Variants in MAGI2 observed in about 807,000 individuals in gnomAD.
MAGI2 encodes the protein membrane-associated guanylate kinase, WW and PDZ domain-containing protein 2.
A neutral mutation model predicts 133.3 loss-of-function variants in MAGI2; 35 were observed. The observed-to-expected ratio is 0.26, with a 90% confidence interval of 0.20 to 0.35. MAGI2 has a LOEUF of 0.35. Ranked by LOEUF, MAGI2 falls within the 10% of genes least tolerant of loss-of-function variation. MAGI2 has a pLI of 1.00. For synonymous variants in MAGI2, 729 were observed against 710.6 expected (o/e 1.03, Z -0.41); for missense variants, 1,636 against 1,863.4 (o/e 0.88, Z 2.25).
At chr7:78,705,805 G>A (rs2151162689) in intron 2 of MAGI2, among the ~76,000 whole-genome samples, 1 of 152,210 alleles carries the variant, frequency 6.6e-6, no homozygotes. Flanking sequence ...AGGCAACAAA[G>A]AGTGACTGGA....
intron 1 of MAGI2, among the ~76,000 whole-genome samples, chr7:79,100,829 T>C (rs1038010239): frequency 1.3e-5 from 2 of 151,950 alleles, no homozygotes; most frequent in Non-Finnish European, 2.9e-5. Flanking sequence ...TTTTAATCCA[T>C]TAAATTTTAT....
At chr7:78,458,779 C>T (rs1032100566) in intron 6 of MAGI2, among the ~76,000 whole-genome samples, 6 of 152,062 alleles carry the variant, frequency 3.9e-5, no homozygotes, top group South Asian at 2.1e-4. Context: ...GGACTACAGG[C>T]GCCCACCACC....
chr7:78,941,631 C>G (rs180895355), intron 2 of MAGI2, among the ~76,000 whole-genome samples: 1 of 152,024 alleles, frequency 6.6e-6, no homozygotes, highest in African/African-American at 2.4e-5. Flanking sequence ...CCACTCTGCC[C>G]GGCTGATAAT....
intron 1 of MAGI2, among the ~76,000 whole-genome samples, chr7:79,303,598 A>C (rs1213418983): frequency 6.6e-6 from 1 of 152,188 alleles, no homozygotes. Context: ...TGATGCTCAG[A>C]ATTTAAGGTT....
At chr7:78,211,022 G>A (rs1035455006) in intron 10 of MAGI2, among the ~76,000 whole-genome samples, 1 of 152,184 alleles carries the variant, frequency 6.6e-6, no homozygotes, top group African/African-American at 2.4e-5. Context: ...TTTCTTTTTG[G>A]TGGGATAAGC....
At chr7:79,151,617 A>G (rs1336168107) in intron 1 of MAGI2, among the ~76,000 whole-genome samples, 1 of 152,180 alleles carries the variant, frequency 6.6e-6, no homozygotes, top group Non-Finnish European at 1.5e-5. Context: ...ACAATTTTTA[A>G]CCACTAATTT....
At chr7:79,028,199 A>G (rs1360521552) in intron 1 of MAGI2, among the ~76,000 whole-genome samples, 1 of 102,662 alleles carries the variant, frequency 9.7e-6, no homozygotes, top group Admixed American at 9.9e-5. Flanking sequence ...TGACAAAGCG[A>G]GACTCCATCT....
chr7:79,394,315 T>C (rs987579252), intron 1 of MAGI2, among the ~76,000 whole-genome samples: 11 of 152,304 alleles, frequency 7.2e-5, no homozygotes, highest in African/African-American at 2.4e-4. Context: ...CTTGGGCTAT[T>C]TGTTGCACCT....
chr7:78,986,446 C>T (rs1200416652), intron 2 of MAGI2, among the ~76,000 whole-genome samples: 1 of 151,962 alleles, frequency 6.6e-6, no homozygotes, highest in Non-Finnish European at 1.5e-5. Flanking sequence ...CTCAATAAAA[C>T]CTATTATCCT....
chr7:78,637,803 T>A (rs1448978708), intron 2 of MAGI2, among the ~76,000 whole-genome samples: 2 of 152,172 alleles, frequency 1.3e-5, no homozygotes, highest in African/African-American at 4.8e-5. Context: ...AGAAATATCA[T>A]TTAAAACTTG....
rs73701639 is a variant in MAGI2 at position 78,620,583 on chromosome 7, G to A, written c.538+6537C>T. Among the ~76,000 whole-genome samples the A allele has an allele frequency of 7.2e-3, 1,097 of 152,062 alleles. 16 individuals carry two copies. The highest frequency in any genetic ancestry group is 0.025 in the African/African-American group (1,046 of 41,504). ...AATAAAATTGCTCAAGAAACCTGGT[G>A]TGCTGTTTGCAGTAGGCTCAAGTCT... On this transcript the variant is annotated intron_variant, in intron 3 of 21. Coordinates refer to ENST00000354212, the MANE Select transcript of MAGI2 (RefSeq NM_012301.4).
At chr7:78,269,545 C>CT (rs1254791849) in intron 9 of MAGI2, among the ~76,000 whole-genome samples, 2 of 151,826 alleles carry the variant, frequency 1.3e-5, no homozygotes, top group Admixed American at 1.3e-4. Flanking sequence ...TGATGATGAG[C>CT]TTTTTTTTCA....
rs1788986449 is a variant in MAGI2 at position 78,453,742 on chromosome 7, G to T, written c.1045+36019C>A. On this transcript the variant is annotated intron_variant, in intron 6 of 21. Transcript: ENST00000354212. ...GATAATTTCTACCAAAAATCCCAGA[G>T]GATTAGTAAAATTATCGCCATTTTA... 3.3e-5 allele frequency among the ~76,000 whole-genome samples: 5 copies of T among 152,086 alleles called. No individual in the cohort carries two copies. In the South Asian group the frequency reaches 1.0e-3, roughly 32 times the overall value.
intron 9 of MAGI2, among the ~76,000 whole-genome samples, chr7:78,309,603 C>T (rs143194899): frequency 6.7e-6 from 1 of 149,484 alleles, no homozygotes; most frequent in South Asian, 2.1e-4. Context: ...GAATCATATA[C>T]CCCAAACGTC....
At chr7:78,747,406 T>C (rs1823023501) in intron 2 of MAGI2, among the ~76,000 whole-genome samples, 1 of 152,112 alleles carries the variant, frequency 6.6e-6, no homozygotes, top group African/African-American at 2.4e-5. Flanking sequence ...ACACAATAAA[T>C]ATTTATTGAA....
chr7:78,759,218 TA>T (rs568698060), intron 2 of MAGI2, among the ~76,000 whole-genome samples: 26 of 151,426 alleles, frequency 1.7e-4, no homozygotes, highest in East Asian at 5.8e-4. Context: ...TCAGAAATAA[TA>T]AAAAAAAACT....
rs925501184 is a variant in MAGI2 at position 78,758,220 on chromosome 7, C to T, written c.419-130981G>A. Among the ~76,000 whole-genome samples the T allele has an allele frequency of 2.0e-5, 3 of 152,166 alleles. No individual in the cohort carries two copies. In the East Asian group the frequency reaches 5.8e-4, roughly 29 times the overall value. On this transcript the variant is annotated intron_variant, in intron 2 of 21. Transcript: ENST00000354212. ...TTACATAAATATGTATATATTTTTA[C>T]TGAGTTATCTTGTATCCTATTGGTC... is the stretch of plus-strand genomic sequence containing the variant.
At chr7:78,890,257 G>C (rs1258457223) in intron 2 of MAGI2, among the ~76,000 whole-genome samples, 1 of 152,148 alleles carries the variant, frequency 6.6e-6, no homozygotes, top group Non-Finnish European at 1.5e-5. Context: ...AAGAGACTTA[G>C]ACAACCACAC....
At chr7:78,805,476 T>C (rs943627280) in intron 2 of MAGI2, among the ~76,000 whole-genome samples, 7 of 152,100 alleles carry the variant, frequency 4.6e-5, no homozygotes, top group Non-Finnish European at 8.8e-5. Context: ...AGAAATACAG[T>C]AGAAGAGGCA....
Sources: allele counts gnomAD v4.1 joint callset (sites outside exome capture counted in the v4.1 genomes callset), GRCh38; gene constraint gnomAD v4.1.1; transcripts MANE v1.5; gene names NCBI Gene and HGNC (gene_info 2026-07-23, HGNC 2026-07-21).